NALF1: variants seen among roughly 807,000 people sequenced by gnomAD.
NALF1 encodes NALCN channel auxiliary factor 1.
In NALF1, 3 loss-of-function variants were observed where a neutral mutation model predicts 48.4. The ratio of observed to expected loss-of-function variants is 0.06; its 90% CI spans 0.03 to 0.16. The LOEUF (loss-of-function observed/expected upper bound fraction) is 0.16. Ranked by LOEUF, NALF1 falls within the 10% of genes least tolerant of loss-of-function variation. The probability of loss-of-function intolerance (pLI) is 1.00; values close to 1 mark genes in which losing one functional copy is unlikely to be tolerated. For missense variants in NALF1, 526 were observed against 571.5 expected, an observed-to-expected ratio of 0.92 and a Z score of 0.81; for synonymous variants, 262 against 245.7, an observed-to-expected ratio of 1.07 and a Z score of -0.62.
At chr13:107,732,440 T>C (rs1043456884) in intron 1 of NALF1, among the ~76,000 whole-genome samples, 1 of 152,132 alleles carries the variant, frequency 6.6e-6, no homozygotes, top group Non-Finnish European at 1.5e-5. Context: ...AAAAATGTAT[T>C]AGTTACTTAA....
At chr13:107,526,772 A>G (rs1264813215) in intron 1 of NALF1, among the ~76,000 whole-genome samples, 1 of 152,142 alleles carries the variant, frequency 6.6e-6, no homozygotes, top group Non-Finnish European at 1.5e-5. Flanking sequence ...AACTTAAGAT[A>G]CTCAAAATCA....
chr13:107,761,327 A>G (rs1258128880), intron 1 of NALF1, among the ~76,000 whole-genome samples: 2 of 151,728 alleles, frequency 1.3e-5, no homozygotes, highest in African/African-American at 2.4e-5. Context: ...ACTGCACCCC[A>G]GCCTGAGCGA....
chr13:107,560,877 G>A (rs1427577703), intron 1 of NALF1, among the ~76,000 whole-genome samples: 1 of 152,206 alleles, frequency 6.6e-6, no homozygotes, highest in African/African-American at 2.4e-5. Context: ...CCACGGTTGT[G>A]AAGAATGCTA....
At position 107,546,686 on chromosome 13, in the gene NALF1, C is replaced by T. The variant is rs112895791; in HGVS notation, c.915+318996G>A. On this transcript the variant is annotated intron_variant, in intron 1 of 2. Coordinates refer to ENST00000375915, the MANE Select transcript of NALF1 (RefSeq NM_001080396.3). ...CTCCCGGCTAGCTTTCCATCTATGC[C>T]TAAATTTAAAAAGTAAACAAATTCC... Among the ~76,000 whole-genome samples, 233 of 152,108 alleles carry T rather than the reference C, an allele frequency of 1.5e-3. 2 individuals are homozygous for T. The highest frequency in any genetic ancestry group is 5.5e-3 in the African/African-American group (229 of 41,494).
At chr13:107,375,211 T>C (rs1324029762) in intron 1 of NALF1, among the ~76,000 whole-genome samples, 1 of 152,166 alleles carries the variant, frequency 6.6e-6, no homozygotes, top group African/African-American at 2.4e-5. Context: ...ACCATGTGTG[T>C]ATGTGCATAT....
rs536100783 is a variant in NALF1 at position 107,254,390 on chromosome 13, C to T, written c.916-43635G>A. ...GACTTAAATTTGGCACTGGACATTGCATGGAGATGGCACGATCTGCAGGGC... is the reference window on the plus strand; with the variant it reads ...GACTTAAATTTGGCACTGGACATTGTATGGAGATGGCACGATCTGCAGGGC... On this transcript the variant is annotated intron_variant, in intron 1 of 2. Transcript: ENST00000375915. Among the ~76,000 whole-genome samples the T allele has an allele frequency of 2.6e-5, 4 of 152,314 alleles. No homozygotes were observed. The South Asian group carries it at 8.3e-4, about 32-fold the overall frequency.
At chr13:107,365,267 AC>A (rs1566496500) in intron 1 of NALF1, among the ~76,000 whole-genome samples, 1 of 152,030 alleles carries the variant, frequency 6.6e-6, no homozygotes, top group African/African-American at 2.4e-5. Flanking sequence ...ATACTGCTTT[AC>A]AACCTACTAA....
rs9301203 is a variant in NALF1, at chr13:107,271,382, A to G, written c.916-60627T>C. ...GGCCTTTGAAGATGGAGGAGTCACAAGACAGGAAATGTGGGAGGCCTCTGC... is the reference window on the plus strand; with the variant it reads ...GGCCTTTGAAGATGGAGGAGTCACAGGACAGGAAATGTGGGAGGCCTCTGC... On this transcript the variant is annotated intron_variant, in intron 1 of 2. Transcript: ENST00000375915. Among the ~76,000 whole-genome samples the G allele has an allele frequency of 8.8e-3, 1,340 of 152,276 alleles. 26 individuals are homozygous for G. The highest frequency in any genetic ancestry group is 0.03 in the African/African-American group (1,259 of 41,546).
At chr13:107,421,069 C>T (rs1437493910) in intron 1 of NALF1, among the ~76,000 whole-genome samples, 1 of 152,124 alleles carries the variant, frequency 6.6e-6, no homozygotes, top group Non-Finnish European at 1.5e-5. Context: ...ATGCTACAGG[C>T]ACTTCAAATA....
rs1878726132 is a variant in NALF1 at position 107,168,884 on chromosome 13, T to TTCA, written c.*1610_*1612dup. 6.6e-6 allele frequency: 1 copy of TTCA among 152,634 alleles called. No individual in the cohort carries two copies. The highest frequency in any genetic ancestry group is 2.4e-5 in the African/African-American group (1 of 41,466). The allele number at this position is 152,634 out of a possible 1,614,324, so 9.5% of individuals were successfully genotyped here. A position where few individuals can be genotyped will look rare whatever the true frequency, so the allele number is the denominator to read the frequency against. On this transcript the variant is annotated 3_prime_UTR_variant, in exon 3 of 3. Transcript: ENST00000375915. ...AAGAGGACCTTTTCTATGGATTTCC[T>TTCA]TCATCTCTCAGTCACACTGCAAACT...
At chr13:107,658,975 G>C (rs1026616482) in intron 1 of NALF1, among the ~76,000 whole-genome samples, 3 of 151,896 alleles carry the variant, frequency 2.0e-5, no homozygotes, top group Non-Finnish European at 4.4e-5. Context: ...GCTCCATAAA[G>C]CTCCATGTTA....
At chr13:107,630,839 T>G (rs1879816378) in intron 1 of NALF1, among the ~76,000 whole-genome samples, 1 of 152,176 alleles carries the variant, frequency 6.6e-6, no homozygotes, top group Non-Finnish European at 1.5e-5. Flanking sequence ...GTTGAGGATT[T>G]ATGCTTACTT....
At chr13:107,378,507 A>T (rs1168645092) in intron 1 of NALF1, among the ~76,000 whole-genome samples, 1 of 152,148 alleles carries the variant, frequency 6.6e-6, no homozygotes, top group East Asian at 1.9e-4. Context: ...TACTTTACCA[A>T]GAGCTTTTGG....
Position 107,511,270 on chromosome 13 carries a change from G to A in NALF1, c.916-300515C>T, listed in dbSNP as rs191499228. Among the ~76,000 whole-genome samples the A allele has an allele frequency of 2.1e-3, 321 of 152,270 alleles. 1 individual carries two copies. The highest frequency in any genetic ancestry group is 7.5e-3 in the African/African-American group (312 of 41,558). On this transcript the variant is annotated intron_variant, in intron 1 of 2. Transcript: ENST00000375915. ...TGTCTGTACATAGTGTGACTAGATC[G>A]TATTGTCGCCCAGTGCTTATTCTAC...
chr13:107,579,400 A>G (rs1425644169), intron 1 of NALF1, among the ~76,000 whole-genome samples: 3 of 152,090 alleles, frequency 2.0e-5, no homozygotes, highest in Non-Finnish European at 4.4e-5. Flanking sequence ...CATAATATTC[A>G]TTTTCATAAT....
At chr13:107,588,224 CA>C (rs1436212299) in intron 1 of NALF1, among the ~76,000 whole-genome samples, 2 of 152,070 alleles carry the variant, frequency 1.3e-5, no homozygotes, top group East Asian at 3.9e-4. Context: ...AATGAAAGAA[CA>C]AAGAGCCTTA....
chr13:107,673,475 T>C (rs1489692529), intron 1 of NALF1, among the ~76,000 whole-genome samples: 1 of 152,100 alleles, frequency 6.6e-6, no homozygotes, highest in Non-Finnish European at 1.5e-5. Flanking sequence ...TCTCTCAGGA[T>C]CAAGCTATGA....
intron 1 of NALF1, among the ~76,000 whole-genome samples, chr13:107,541,869 A>C (rs1368915621): frequency 6.6e-6 from 1 of 152,024 alleles, no homozygotes; most frequent in Non-Finnish European, 1.5e-5. Context: ...AAGTGTGGCC[A>C]CCCTCCAGAG....
chr13:107,179,485 T>C lies in NALF1; in HGVS notation c.1088-8699A>G, dbSNP rs555409310. Among the ~76,000 whole-genome samples the C allele has an allele frequency of 3.3e-5, 5 of 152,196 alleles. No homozygotes were observed. The South Asian group carries it at 1.0e-3, about 32-fold the overall frequency. On this transcript the variant is annotated intron_variant, in intron 2 of 2. Transcript: ENST00000375915. ...AGGGTAACTACAGTCAACAATGATG[T>C]ATTGTACAGTTTAACTAAAAGAGTA... is the stretch of plus-strand genomic sequence containing the variant.
Sources: allele counts gnomAD v4.1 joint callset (sites outside exome capture counted in the v4.1 genomes callset), GRCh38; gene constraint gnomAD v4.1.1; transcripts MANE v1.5; gene names NCBI Gene and HGNC (gene_info 2026-07-23, HGNC 2026-07-21).